Variants in CRK observed in about 807,000 individuals in gnomAD.
The protein encoded by CRK is adapter molecule crk.
CRK carries 4 observed loss-of-function variants against 29.8 expected under a neutral mutation model. The ratio of observed to expected loss-of-function variants is 0.13; its 90% CI spans 0.07 to 0.31. The LOEUF is 0.31. Ranked by LOEUF, CRK falls within the 10% of genes least tolerant of loss-of-function variation. The pLI is 1.00. For synonymous variants in CRK, 153 were observed against 164.9 expected, an observed-to-expected ratio of 0.93 and a Z score of 0.55; for missense variants, 274 against 396.5, an observed-to-expected ratio of 0.69 and a Z score of 2.62.
intron 1 of CRK, among the ~76,000 whole-genome samples, chr17:1,443,958 C>T (rs2073954739): frequency 1.3e-5 from 2 of 151,940 alleles, no homozygotes; most frequent in South Asian, 2.1e-4. Flanking sequence ...CCTCGGCCTC[C>T]CAAAGTGCTG....
chr17:1,424,704 T>C (rs908569848), intron 2 of CRK: 6 of 152,162 alleles, frequency 3.9e-5, no homozygotes, highest in African/African-American at 1.2e-4. Flanking sequence ...CATTACCCAA[T>C]GAGGGGTCAA....
chr17:1,443,673 A>T (rs780732642), intron 1 of CRK, among the ~76,000 whole-genome samples: 8 of 151,658 alleles, frequency 5.3e-5, no homozygotes, highest in Non-Finnish European at 1.2e-4. Flanking sequence ...TGCTGGAATT[A>T]CAGGCGTGAG....
intron 1 of CRK, among the ~76,000 whole-genome samples, chr17:1,448,117 G>A (rs1187745450): frequency 6.6e-6 from 1 of 152,008 alleles, no homozygotes; most frequent in Non-Finnish European, 1.5e-5. Flanking sequence ...ACTCCAGCCT[G>A]GGCGACAGAA....
Position 1,435,525 on chromosome 17 carries a change from A to T in CRK, c.777+1095T>A, listed in dbSNP as rs564230340. Among the ~76,000 whole-genome samples the T allele has an allele frequency of 2.9e-3, 443 of 152,258 alleles. 1 individual carries two copies. The highest frequency in any genetic ancestry group is 5.3e-3 in the Non-Finnish European group (360 of 68,018). Reference sequence around the variant, plus strand: ...TCCATCATACACACAGCACCATGCCAGATGTTACCGTCATCTGAACTCACA... The same window carrying T: ...TCCATCATACACACAGCACCATGCCTGATGTTACCGTCATCTGAACTCACA... On this transcript the variant is annotated intron_variant, in intron 2 of 2. Coordinates refer to ENST00000300574, the MANE Select transcript of CRK (RefSeq NM_016823.4).
chr17:1,444,595 CG>C (rs35779178), intron 1 of CRK, among the ~76,000 whole-genome samples: 19,291 of 103,860 alleles, frequency 0.19, 4,342 homozygotes, highest in African/African-American at 0.5. Context: ...GAAGCCGAAG[CG>C]GGGGGGGGGA....
Position 1,420,940 on chromosome 17 carries a change from T to A in CRK, c.*2573A>T, listed in dbSNP as rs1351864540. 2.0e-5 allele frequency: 3 copies of A among 152,182 alleles called. No individual in the cohort carries two copies. The highest frequency in any genetic ancestry group is 2.9e-5 in the Non-Finnish European group (2 of 68,038). 9.4% of individuals were successfully genotyped at this position (152,182 alleles called of 1,614,324 possible). On this transcript the variant is annotated 3_prime_UTR_variant, in exon 3 of 3. Coordinates refer to ENST00000300574, the MANE Select transcript of CRK (RefSeq NM_016823.4). ...ATAATTAAAAATTATCTATTTGCAT[T>A]ATTAACAATAAACAATTCCAACAAA...
At chr17:1,455,845 G>A (rs2150917221) in intron 1 of CRK, 32 bp downstream of exon 1, 19 of 1,503,380 alleles carry the variant, frequency 1.3e-5, no homozygotes, top group Non-Finnish European at 1.5e-5. Context: ...CCCTCACCCC[G>A]CCCAGGGCCC....
chr17:1,435,807 G>A (rs550470766), intron 2 of CRK, among the ~76,000 whole-genome samples: 1 of 152,186 alleles, frequency 6.6e-6, no homozygotes, highest in Admixed American at 6.6e-5. Flanking sequence ...ACAAGTGTGA[G>A]CCACTGTGCC....
intron 1 of CRK, among the ~76,000 whole-genome samples, chr17:1,454,660 C>G (rs1166491728): frequency 6.6e-6 from 1 of 152,204 alleles, no homozygotes; most frequent in Admixed American, 6.6e-5. Context: ...CTTCCTGATT[C>G]ATATGAGACT....
Position 1,423,279 on chromosome 17 carries a change from A to G in CRK, c.*234T>C. On this transcript the variant is annotated 3_prime_UTR_variant, in exon 3 of 3. Coordinates refer to ENST00000300574, the MANE Select transcript of CRK (RefSeq NM_016823.4). ...CCTTCTGATACACACAGGCACGACC[A>G]CTACCGCCTCCAATTGCCAATTCAG... 1 of 580,042 alleles carries G rather than the reference A, an allele frequency of 1.7e-6. No individual in the cohort carries two copies. Among genetic ancestry groups the G allele is most frequent in the Non-Finnish European group, 3.0e-6 (1 of 332,434 alleles). 35.9% of individuals were successfully genotyped at this position (580,042 alleles called of 1,614,324 possible). A position where few individuals can be genotyped will look rare whatever the true frequency, so the allele number is the denominator to read the frequency against.
chr17:1,440,788 C>T (rs2073929285), intron 1 of CRK, among the ~76,000 whole-genome samples: 1 of 152,174 alleles, frequency 6.6e-6, no homozygotes, highest in Admixed American at 6.5e-5. Context: ...CTGTTAGTCC[C>T]AGCTTCTCGA....
chr17:1,446,964 T>C (rs1360717761), intron 1 of CRK, among the ~76,000 whole-genome samples: 2 of 152,204 alleles, frequency 1.3e-5, no homozygotes, highest in African/African-American at 2.4e-5. Flanking sequence ...AAACCTTTGA[T>C]GTACTTTACT....
intron 2 of CRK, among the ~76,000 whole-genome samples, chr17:1,435,731 C>T (rs1182335695): frequency 1.3e-5 from 2 of 152,036 alleles, no homozygotes; most frequent in East Asian, 1.9e-4. Flanking sequence ...CTATGTTTCC[C>T]AGACTGGTCT....
intron 2 of CRK, among the ~76,000 whole-genome samples, chr17:1,427,803 T>C (rs971826898): frequency 6.6e-6 from 1 of 151,310 alleles, no homozygotes; most frequent in Non-Finnish European, 1.5e-5. Context: ...CCAGTACTTT[T>C]TTCGTATTTT....
At position 1,423,374 on chromosome 17, in the gene CRK, G is replaced by C. The variant is rs865958835; in HGVS notation, c.*139C>G. On this transcript the variant is annotated 3_prime_UTR_variant, in exon 3 of 3. Transcript: ENST00000300574. ...TTAAGACTAGGAATGGAGCAGTTCA[G>C]TCTAAAAAATATCACAGGTAACAGA... 9 of 1,061,668 alleles carry C rather than the reference G, an allele frequency of 8.5e-6. No individual in the cohort carries two copies. The highest frequency in any genetic ancestry group is 4.7e-4 in the Middle Eastern group (2 of 4,226). 65.8% of individuals were successfully genotyped at this position (1,061,668 alleles called of 1,614,324 possible).
Position 1,436,639 on chromosome 17 carries a change from T to C in CRK, c.758A>G (p.Lys253Arg). ...IQKRVPNAYD[K>R]TALALEVGEL... ...ATGTACCTCCAAAGCCAAGGCTGTC[T>C]TGTCGTAGGCATTGGGGACTCGCTT... Residue 253 changes from lysine to arginine, a missense_variant, in exon 2 of 3, where the codon AAG becomes AGG. Around this residue, in one of 3 missense-constraint regions of CRK, gnomAD observed 121 missense variants for 154.3 expected, o/e 0.78. Coordinates refer to ENST00000300574, the MANE Select transcript of CRK (RefSeq NM_016823.4). 1 of 1,607,104 alleles carries C rather than the reference T, an allele frequency of 6.2e-7. No homozygotes were observed. The highest frequency in any genetic ancestry group is 8.5e-7 in the Non-Finnish European group (1 of 1,177,702).
chr17:1,429,116 G>T (rs1229253364), intron 2 of CRK, among the ~76,000 whole-genome samples: 1 of 152,144 alleles, frequency 6.6e-6, no homozygotes, highest in Admixed American at 6.6e-5. Context: ...CCAAAGTGCT[G>T]GGATTACAGG....
intron 2 of CRK, among the ~76,000 whole-genome samples, chr17:1,423,889 C>G (rs978572910): frequency 6.6e-6 from 1 of 152,112 alleles, no homozygotes; most frequent in African/African-American, 2.4e-5. Flanking sequence ...AAAAGGGATT[C>G]CAGATAATGA....
chr17:1,430,066 CAG>C (rs1555652199), intron 2 of CRK, among the ~76,000 whole-genome samples: 1 of 146,404 alleles, frequency 6.8e-6, no homozygotes, highest in Admixed American at 6.8e-5. Flanking sequence ...TTTTTAAAGA[CAG>C]AGTTTCGCTT....
Sources: allele counts gnomAD v4.1 joint callset (sites outside exome capture counted in the v4.1 genomes callset), GRCh38; gene constraint gnomAD v4.1.1; regional missense constraint gnomAD v4.1.1; transcripts MANE v1.5; gene names NCBI Gene and HGNC (gene_info 2026-07-23, HGNC 2026-07-21).